The following CHRDL1 variants were observed in gnomAD, a reference collection of about 807,000 sequenced individuals.
CHRDL1 encodes chordin-like protein 1.
Under a neutral mutation model 40.9 loss-of-function variants are expected in CHRDL1, and 19 were observed. That is an observed-to-expected ratio of 0.46 (90% confidence interval 0.32 to 0.68). CHRDL1 has a LOEUF of 0.68. CHRDL1 is among the 30% of genes least tolerant of loss of function. The probability of loss-of-function intolerance (pLI) is 0.03; values close to 1 mark genes in which losing one functional copy is unlikely to be tolerated. For missense variants in CHRDL1, 329 were observed against 352.1 expected (o/e 0.93, Z 0.53); for synonymous variants, 136 against 123.4 (o/e 1.10, Z -0.68).
chrX:110,744,581 G>T (rs1407342800), intron 4 of CHRDL1, among the ~76,000 whole-genome samples: 1 of 111,647 alleles, frequency 9.0e-6, no homozygotes, highest in African/African-American at 3.3e-5. Flanking sequence ...TAGAGATGGA[G>T]AAAGTACCCA....
chrX:110,742,431 G>A (rs1427901602), intron 4 of CHRDL1, among the ~76,000 whole-genome samples: 1 of 112,428 alleles, frequency 8.9e-6, no homozygotes, highest in Non-Finnish European at 1.9e-5. Flanking sequence ...ATAAGTAATG[G>A]TTGTCTCAAA....
chrX:110,760,383 C>A (rs927870074), intron 3 of CHRDL1, among the ~76,000 whole-genome samples: 1 of 112,485 alleles, frequency 8.9e-6, no homozygotes, highest in Non-Finnish European at 1.9e-5. Flanking sequence ...CAGCTCACAA[C>A]CATTTCTAGA....
chrX:110,707,564 T>C (rs776250660), intron 6 of CHRDL1, among the ~76,000 whole-genome samples: 1 of 112,079 alleles, frequency 8.9e-6, no homozygotes, highest in Admixed American at 9.5e-5. Flanking sequence ...ATTTAATAAA[T>C]GGTGTTGGGA....
At chrX:110,787,823 G>T (rs763958813) in intron 2 of CHRDL1, among the ~76,000 whole-genome samples, 3 of 112,302 alleles carry the variant, frequency 2.7e-5, no homozygotes, top group Non-Finnish European at 5.6e-5. Context: ...TGAAATACAT[G>T]AACAATTTCT....
chrX:110,769,194 G>T (rs999411182), intron 2 of CHRDL1, among the ~76,000 whole-genome samples: 4 of 111,930 alleles, frequency 3.6e-5, no homozygotes, highest in African/African-American at 1.3e-4. Context: ...ACAAATGATT[G>T]GTAAATTGAA....
In CHRDL1 at chrX:110,688,734, A is replaced by C. The variant is rs1364887431; in HGVS notation, c.848T>G (p.Ile283Ser). ...SWHPNLRAFG[I>S]VECVLCTCNV... is the part of the protein sequence containing the mutation. ...ACAAGTACATAGCACACACTCCACA[A>C]TGCCAAATGCCCGGAGGTTTGGGTG... The change falls in exon 9 of 12, where the codon ATT becomes AGT. Residue 283 changes from isoleucine to serine, a missense_variant. Ile to Ser is a moderately radical substitution (Grantham distance 142). Transcript: ENST00000372042. The C allele has an allele frequency of 1.3e-5, 16 of 1,207,336 alleles. No homozygotes were observed. In the South Asian group the frequency reaches 1.4e-4, roughly 11 times the overall value.
chrX:110,681,564 C>T lies in CHRDL1; in HGVS notation c.1074G>A (p.Glu358=). Residue 358 remains glutamate, a synonymous_variant, in exon 10 of 12, where the codon GAG becomes GAA. Coordinates refer to ENST00000372042, the MANE Select transcript of CHRDL1 (RefSeq NM_001143981.2). ...CTATTTTTCTGGTTGTCTCCCCATC[C>T]TCCATGAATACAGACTCATACACAG... ...TMPVYESVFM[E]DGETTRKIAL... 8.3e-7 allele frequency: 1 copy of T among 1,203,838 alleles called. No individual in the cohort carries two copies. Among genetic ancestry groups the T allele is most frequent in the Non-Finnish European group, 1.1e-6 (1 of 888,217 alleles).
chrX:110,771,925 A>G (rs1345398879), intron 2 of CHRDL1, among the ~76,000 whole-genome samples: 1 of 111,933 alleles, frequency 8.9e-6, no homozygotes, highest in Non-Finnish European at 1.9e-5. Flanking sequence ...AATATATTAA[A>G]AAGTTACTAT....
At chrX:110,704,889 A>G (rs2070591690) in intron 6 of CHRDL1, among the ~76,000 whole-genome samples, 1 of 111,864 alleles carries the variant, frequency 8.9e-6, no homozygotes, top group Non-Finnish European at 1.9e-5. Flanking sequence ...AAGAAAAATG[A>G]TAGACTAGTT....
In CHRDL1 at chrX:110,694,234, A is replaced by G. The variant is rs1193225805; in HGVS notation, c.707T>C (p.Leu236Pro). ...FPGARSHRGA[L>P]MDSQQASGTI... ...TCCTGATGCTTGCTGGGAATCCATA[A>G]GAGCTCCCCGGTGACTTCTGGCCCC... Residue 236 changes from leucine (L) to proline (P), a missense_variant, in exon 8 of 12, where the codon CTT becomes CCT. Coordinates refer to ENST00000372042, the MANE Select transcript of CHRDL1 (RefSeq NM_001143981.2). 2 of 1,207,934 alleles carry G rather than the reference A, an allele frequency of 1.7e-6. No homozygotes were observed. Among genetic ancestry groups the G allele is most frequent in the Non-Finnish European group, 2.2e-6 (2 of 893,200 alleles).
At position 110,721,481 on chromosome X, in the gene CHRDL1, C is replaced by T. The variant is rs773545758; in HGVS notation, c.351G>A (p.Glu117=). 2 of 1,208,136 alleles carry T rather than the reference C, an allele frequency of 1.7e-6. No homozygotes were observed. Among genetic ancestry groups the T allele is most frequent in the South Asian group, 1.8e-5 (1 of 56,873 alleles). Residue 117 remains glutamate (E), a synonymous_variant, in exon 5 of 12, where the codon GAG becomes GAA. Coordinates refer to ENST00000372042, the MANE Select transcript of CHRDL1 (RefSeq NM_001143981.2). ...CATGTTGGTAAGTTGTCCCATTGTACTCGCAAGACTTGCTGGTCACCTTAT... is the reference window on the plus strand; with the variant it reads ...CATGTTGGTAAGTTGTCCCATTGTATTCGCAAGACTTGCTGGTCACCTTAT... ...VNNKVTSKSC[E]YNGTTYQHGE...
chrX:110,704,580 A>T (rs2070584836), intron 6 of CHRDL1, among the ~76,000 whole-genome samples: 2 of 111,311 alleles, frequency 1.8e-5, no homozygotes, highest in Non-Finnish European at 3.8e-5. Flanking sequence ...AACTGATAAG[A>T]CCCTGAAGGA....
intron 2 of CHRDL1, among the ~76,000 whole-genome samples, chrX:110,788,014 T>C (rs2090043400): frequency 8.9e-6 from 1 of 112,824 alleles, no homozygotes; most frequent in Non-Finnish European, 1.9e-5. Flanking sequence ...TATTATGCTG[T>C]GAATGTTACG....
chrX:110,676,849 C>T (rs1297354363), intron 11 of CHRDL1, among the ~76,000 whole-genome samples: 1 of 110,764 alleles, frequency 9.0e-6, no homozygotes, highest in Admixed American at 9.6e-5. Flanking sequence ...ATCACTCTTT[C>T]CTCTATTCCT....
At chrX:110,711,358 C>T (rs1166006416) in intron 6 of CHRDL1, among the ~76,000 whole-genome samples, 1 of 111,409 alleles carries the variant, frequency 9.0e-6, no homozygotes, top group Non-Finnish European at 1.9e-5. Context: ...CTTAAGTATA[C>T]AATACTATAT....
At position 110,692,095 on chromosome X, in the gene CHRDL1, C is replaced by T. The variant is rs920210989; in HGVS notation, c.778+2068G>A. Among the ~76,000 whole-genome samples, 4 of 111,250 alleles carry T rather than the reference C, an allele frequency of 3.6e-5. No individual in the cohort carries two copies. In the Admixed American group the frequency reaches 3.8e-4, roughly 11 times the overall value. ...GGAGCCAAGTAGATATATCAGAGGA[C>T]CACATTATTAGCAAGAGATGTAAGG... On this transcript the variant is annotated intron_variant, in intron 8 of 11. Coordinates refer to ENST00000372042, the MANE Select transcript of CHRDL1 (RefSeq NM_001143981.2).
chrX:110,779,968 A>T (rs1178989968), intron 2 of CHRDL1, among the ~76,000 whole-genome samples: 3 of 111,234 alleles, frequency 2.7e-5, no homozygotes, highest in Non-Finnish European at 5.7e-5. Context: ...TTTATTTCAA[A>T]TTCCACTTGT....
chrX:110,780,585 A>T (rs2089924600), intron 2 of CHRDL1, among the ~76,000 whole-genome samples: 1 of 111,512 alleles, frequency 9.0e-6, no homozygotes. Flanking sequence ...TGTTTGCAAC[A>T]TTAGGTATTT....
At chrX:110,741,134 T>G (rs985799482) in intron 4 of CHRDL1, among the ~76,000 whole-genome samples, 3 of 112,116 alleles carry the variant, frequency 2.7e-5, no homozygotes, top group Non-Finnish European at 5.6e-5. Context: ...GATAGCTATG[T>G]AACCAAAAGC....
Sources: gnomAD v4.1 joint callset for allele counts (sites outside exome capture counted in the v4.1 genomes callset) on GRCh38, gnomAD v4.1.1 for gene constraint, MANE v1.5 for transcripts, NCBI Gene and HGNC (gene_info 2026-07-23, HGNC 2026-07-21) for gene names.